Variants in CYSTM1 observed in about 807,000 individuals in gnomAD.
CYSTM1 encodes cysteine rich transmembrane module containing 1, also known as cysteine-rich transmembrane module-containing protein 1.
CYSTM1 carries 4 observed loss-of-function variants against 13.1 expected under a neutral mutation model. The ratio of observed to expected loss-of-function variants is 0.31; its 90% confidence interval spans 0.15 to 0.70. The LOEUF (loss-of-function observed/expected upper bound fraction) is 0.70. Among genes scored for constraint, CYSTM1 ranks in the 30% least tolerant of loss-of-function variants. The pLI is 0.72. For missense variants in CYSTM1, 96 were observed against 121.6 expected (o/e 0.79, Z 0.99); for synonymous variants, 36 against 42.7 (o/e 0.84, Z 0.62).
intron 2 of CYSTM1, among the ~76,000 whole-genome samples, chr5:140,213,012 AG>A (rs1764389246): frequency 2.4e-5 from 2 of 84,632 alleles, no homozygotes; most frequent in Non-Finnish European, 5.3e-5. Context: ...TATATATATG[AG>A]AGAGAGAGAC....
chr5:140,183,384 C>T (rs147013261), intron 1 of CYSTM1, among the ~76,000 whole-genome samples: 23 of 152,352 alleles, frequency 1.5e-4, no homozygotes, highest in African/African-American at 5.5e-4. Flanking sequence ...TTGAGCCTCT[C>T]TCTTGCTGGG....
At chr5:140,222,305 T>C (rs1027156624) in intron 2 of CYSTM1, among the ~76,000 whole-genome samples, 13 of 152,262 alleles carry the variant, frequency 8.5e-5, no homozygotes, top group African/African-American at 3.1e-4. Flanking sequence ...GAATTACATA[T>C]GTGTAACTTC....
At chr5:140,231,628 G>A (rs73793726) in intron 2 of CYSTM1, among the ~76,000 whole-genome samples, 4,240 of 152,316 alleles carry the variant, frequency 0.028, 201 homozygotes, top group African/African-American at 0.097. Context: ...GAACAATCTG[G>A]CACAGTCCAA....
chr5:140,210,297 C>T (rs1369871125), intron 2 of CYSTM1, among the ~76,000 whole-genome samples: 1 of 152,176 alleles, frequency 6.6e-6, no homozygotes, highest in Non-Finnish European at 1.5e-5. Context: ...GCTATTGACA[C>T]TTGGGCCAGA....
intron 2 of CYSTM1, among the ~76,000 whole-genome samples, chr5:140,224,896 G>A (rs2126668444): frequency 6.6e-6 from 1 of 152,288 alleles, no homozygotes; most frequent in Admixed American, 6.5e-5. Flanking sequence ...TCAAGATGGT[G>A]TCATACCAGG....
At position 140,204,569 on chromosome 5, in the gene CYSTM1, TATAAC is replaced by T. The variant is rs202151525; in HGVS notation, c.187+9919_187+9923del. Reference sequence around the variant, plus strand: ...ACAAAACAAAAAACCACCAAAAAATTATAACAGAACACCAGTTTCCTGGTAGACAG... The same window carrying T: ...ACAAAACAAAAAACCACCAAAAAATTAGAACACCAGTTTCCTGGTAGACAG... On this transcript the variant is annotated intron_variant, in intron 2 of 2. Coordinates refer to ENST00000261811, the MANE Select transcript of CYSTM1 (RefSeq NM_032412.4). Among the ~76,000 whole-genome samples the T allele has an allele frequency of 9.6e-3, 1,437 of 150,440 alleles. 17 individuals carry two copies. The highest frequency in any genetic ancestry group is 0.031 in the African/African-American group (1,261 of 40,804).
chr5:140,189,971 G>A (rs1211450220), intron 1 of CYSTM1, among the ~76,000 whole-genome samples: 1 of 151,888 alleles, frequency 6.6e-6, no homozygotes. Flanking sequence ...GGAGATCAAG[G>A]GTCATTTCTC....
chr5:140,192,959 C>T (rs574909024), intron 1 of CYSTM1, among the ~76,000 whole-genome samples: 1 of 152,170 alleles, frequency 6.6e-6, no homozygotes, highest in African/African-American at 2.4e-5. Flanking sequence ...TGTGGGCAAC[C>T]ATCAAAGTCC....
At chr5:140,222,612 G>A (rs1764504719) in intron 2 of CYSTM1, among the ~76,000 whole-genome samples, 1 of 152,246 alleles carries the variant, frequency 6.6e-6, no homozygotes, top group Non-Finnish European at 1.5e-5. Flanking sequence ...TTGAACTCAT[G>A]ACGTGGTAAG....
intron 2 of CYSTM1, among the ~76,000 whole-genome samples, chr5:140,228,063 G>A (rs1162600061): frequency 6.6e-6 from 1 of 152,170 alleles, no homozygotes; most frequent in East Asian, 1.9e-4. Flanking sequence ...ATTATGTGGT[G>A]TGCTTTAATT....
chr5:140,210,666 G>A (rs1042855085), intron 2 of CYSTM1, among the ~76,000 whole-genome samples: 2 of 151,878 alleles, frequency 1.3e-5, no homozygotes, highest in African/African-American at 4.8e-5. Flanking sequence ...TATGCACCAC[G>A]ATGCCCAGCT....
intron 2 of CYSTM1, among the ~76,000 whole-genome samples, chr5:140,241,923 A>AG (rs1764754228): frequency 6.6e-6 from 1 of 152,238 alleles, no homozygotes; most frequent in African/African-American, 2.4e-5. Flanking sequence ...AGAGCCATAA[A>AG]GGCCTGGGTT....
chr5:140,239,936 A>C lies in CYSTM1; in HGVS notation c.188-3369A>C, dbSNP rs920433999. On this transcript the variant is annotated intron_variant, in intron 2 of 2. Coordinates refer to ENST00000261811, the MANE Select transcript of CYSTM1 (RefSeq NM_032412.4). This position sits in a 1 kb window ranked among gnomAD's most constrained non-coding sequence, Gnocchi z 5.4. ...GGGTGGTCTGAGACACTAGATAGCG[A>C]ATGAGGGATGAGCCTTTTGGCGCTG... is the stretch of plus-strand genomic sequence containing the variant. Among the ~76,000 whole-genome samples the C allele has an allele frequency of 6.6e-6, 1 of 152,120 alleles. No homozygotes were observed. Among genetic ancestry groups the C allele is most frequent in the African/African-American group, 2.4e-5 (1 of 41,422 alleles).
intron 2 of CYSTM1, among the ~76,000 whole-genome samples, chr5:140,242,413 CTTAA>C (rs1048531695): frequency 9.9e-5 from 15 of 152,146 alleles, no homozygotes; most frequent in African/African-American, 7.2e-5. Flanking sequence ...AAAGGACTGG[CTTAA>C]TTGATAACAT....
intron 1 of CYSTM1, among the ~76,000 whole-genome samples, chr5:140,194,012 A>G (rs1764122673): frequency 6.6e-6 from 1 of 152,228 alleles, no homozygotes. Flanking sequence ...CTAGTAGTGG[A>G]TCAGCGTCCA....
In CYSTM1 at chr5:140,175,613, CCA is replaced by C. The variant is rs1251046759; in HGVS notation, c.-21+332_-21+333del. Among the ~76,000 whole-genome samples the C allele has an allele frequency of 1.3e-5, 2 of 152,238 alleles. No homozygotes were observed. Among genetic ancestry groups the C allele is most frequent in the Non-Finnish European group, 2.9e-5 (2 of 68,036 alleles). On this transcript the variant is annotated intron_variant, in intron 1 of 2. Coordinates refer to ENST00000261811, the MANE Select transcript of CYSTM1 (RefSeq NM_032412.4). This position sits in a 1 kb window ranked among gnomAD's most constrained non-coding sequence, Gnocchi z 4.9. Reference sequence around the variant, plus strand: ...GTCGGCGGGCTCGGAGCGGGGCTCGCCACACCCCGTCCCGGGGGACGTCCGCG... The same window carrying C: ...GTCGGCGGGCTCGGAGCGGGGCTCGCCACCCCGTCCCGGGGGACGTCCGCG...
chr5:140,214,010 G>A (rs538267340), intron 2 of CYSTM1, among the ~76,000 whole-genome samples: 95 of 152,254 alleles, frequency 6.2e-4, no homozygotes, highest in Middle Eastern at 3.4e-3. Flanking sequence ...AGGAGTCTGC[G>A]GGTAAGATGG....
At chr5:140,227,546 G>A (rs1018105298) in intron 2 of CYSTM1, among the ~76,000 whole-genome samples, 1 of 152,138 alleles carries the variant, frequency 6.6e-6, no homozygotes, top group Non-Finnish European at 1.5e-5. Context: ...GGGTTAGGAG[G>A]TGCCAGGTCA....
chr5:140,240,819 G>A (rs1226382001), intron 2 of CYSTM1, among the ~76,000 whole-genome samples: 1 of 152,148 alleles, frequency 6.6e-6, no homozygotes, highest in African/African-American at 2.4e-5. Flanking sequence ...TTGGGCGACT[G>A]AAGCAAGGAA....
Sources: allele counts gnomAD v4.1 joint callset (sites outside exome capture counted in the v4.1 genomes callset), GRCh38; gene constraint gnomAD v4.1.1; non-coding constraint Gnocchi (gnomAD v3.1); transcripts MANE v1.5; gene names NCBI Gene and HGNC (gene_info 2026-07-23, HGNC 2026-07-21).